The following TENT5D variants were observed in gnomAD, a reference collection of about 807,000 sequenced individuals.
The protein encoded by TENT5D is terminal nucleotidyltransferase 5D.
For missense variants in TENT5D, 191 were observed against 287.0 expected (o/e 0.67, Z 2.42); for synonymous variants, 103 against 100.6 (o/e 1.02, Z -0.15).
chrX:80,357,326 G>A (rs1184429562), intron 3 of TENT5D, among the ~76,000 whole-genome samples: 1 of 109,155 alleles, frequency 9.2e-6, no homozygotes, highest in South Asian at 4.1e-4. Flanking sequence ...AGATCCCTGA[G>A]GAATCGCCAC....
intron 1 of TENT5D, 85 bp from the exon 2 acceptor site, chrX:80,438,525 A>G (rs1191111834): frequency 3.7e-5 from 4 of 109,426 alleles, no homozygotes; most frequent in Admixed American, 2.0e-4. Context: ...TATAATTTTC[A>G]GGACTGTCGG....
At chrX:80,338,955 C>G (rs192446102) in intron 2 of TENT5D, among the ~76,000 whole-genome samples, 60 of 111,842 alleles carry the variant, frequency 5.4e-4, no homozygotes, top group Middle Eastern at 4.6e-3. Context: ...CTTAACTGGG[C>G]TGAAACTTAA....
exon 3 of TENT5D, chrX:80,443,770 C>T: frequency 1.0e-6 from 1 of 973,604 alleles, no homozygotes; most frequent in Non-Finnish European, 1.4e-6. Context: ...AAGCAAGTTT[C>T]CAAATGTAAA....
intron 2 of TENT5D, among the ~76,000 whole-genome samples, chrX:80,341,903 G>A (rs1272847387): frequency 6.6e-5 from 7 of 106,495 alleles, no homozygotes; most frequent in African/African-American, 2.4e-4. Flanking sequence ...AGTAGAGACG[G>A]GGTTTCACCG....
At position 80,412,466 on chromosome X, in the gene TENT5D, T is replaced by G. The variant is rs924679850; in HGVS notation, c.-141-26144T>G. ...CAGGCTTTTCTTTTCCACTGCATTG[T>G]CAAGCTGAAAGTTTTCTGAACTTTT... is the stretch of plus-strand genomic sequence containing the variant. On this transcript the variant is annotated intron_variant, in intron 3 of 4. Coordinates refer to the TENT5D transcript ENST00000538312. Among the ~76,000 whole-genome samples the G allele has an allele frequency of 5.3e-5, 6 of 112,796 alleles. No individual in the cohort carries two copies. The South Asian group carries it at 1.4e-3, about 27-fold the overall frequency.
At chrX:80,343,052 T>C (rs1312590476) in intron 3 of TENT5D, among the ~76,000 whole-genome samples, 1 of 111,656 alleles carries the variant, frequency 9.0e-6, no homozygotes, top group Non-Finnish European at 1.9e-5. Flanking sequence ...TTCTATACTT[T>C]ACACCCAGAA....
At chrX:80,403,849 T>G (rs1214739461) in intron 3 of TENT5D, among the ~76,000 whole-genome samples, 2 of 111,974 alleles carry the variant, frequency 1.8e-5, no homozygotes, top group Non-Finnish European at 3.8e-5. Context: ...AAGTTTATTT[T>G]GCCAAGGTTA....
chrX:80,443,731 A>T, exon 3 of TENT5D: 1 of 1,103,389 alleles, frequency 9.1e-7, no homozygotes. Context: ...GCAACCATAG[A>T]AACTTTGATT....
chrX:80,387,361 T>A (rs893968233), intron 3 of TENT5D, among the ~76,000 whole-genome samples: 1 of 111,983 alleles, frequency 8.9e-6, no homozygotes, highest in African/African-American at 3.2e-5. Context: ...TGGGCTCATT[T>A]GTATCTATCC....
intron 1 of TENT5D, among the ~76,000 whole-genome samples, chrX:80,432,284 G>A (rs1932103008): frequency 8.9e-6 from 1 of 111,912 alleles, no homozygotes; most frequent in Non-Finnish European, 1.9e-5. Flanking sequence ...ACACTGAAGT[G>A]TAGCCTCAGC....
At chrX:80,438,183 T>A (rs1451542529) in intron 1 of TENT5D, among the ~76,000 whole-genome samples, 1 of 110,590 alleles carries the variant, frequency 9.0e-6, no homozygotes, top group Non-Finnish European at 1.9e-5. Flanking sequence ...TTCTTCAGTG[T>A]AGCAGTTCTT....
At chrX:80,365,231 T>C (rs1930484397) in intron 3 of TENT5D, among the ~76,000 whole-genome samples, 1 of 111,878 alleles carries the variant, frequency 8.9e-6, no homozygotes, top group South Asian at 3.7e-4. Context: ...GATTATACTT[T>C]ATACTTAAAA....
At chrX:80,382,116 T>C (rs747127975) in intron 3 of TENT5D, among the ~76,000 whole-genome samples, 1 of 111,724 alleles carries the variant, frequency 9.0e-6, no homozygotes, top group African/African-American at 3.3e-5. Context: ...TCTTTGATGA[T>C]GGTGACCTAC....
intron 3 of TENT5D, among the ~76,000 whole-genome samples, chrX:80,407,751 C>A (rs1931535554): frequency 9.3e-6 from 1 of 108,036 alleles, no homozygotes; most frequent in Admixed American, 9.9e-5. Context: ...CCAAGTGGAC[C>A]TAATAGACAT....
chrX:80,394,749 T>A (rs1195893407), intron 3 of TENT5D, among the ~76,000 whole-genome samples: 2 of 111,443 alleles, frequency 1.8e-5, no homozygotes, highest in Non-Finnish European at 3.8e-5. Flanking sequence ...TAACACATAA[T>A]AATTGTACAT....
chrX:80,416,426 G>A (rs766174289), upstream of TENT5D, among the ~76,000 whole-genome samples: 16 of 105,838 alleles, frequency 1.5e-4, no homozygotes, highest in Admixed American at 1.0e-3. Context: ...TGATGTCATC[G>A]TTTAGTGTTA....
chrX:80,430,537 C>T (rs1932068932), intron 1 of TENT5D, among the ~76,000 whole-genome samples: 1 of 111,565 alleles, frequency 9.0e-6, no homozygotes, highest in Admixed American at 9.5e-5. Flanking sequence ...TTATAAAGAT[C>T]TGGGTTATCT....
intron 1 of TENT5D, among the ~76,000 whole-genome samples, chrX:80,429,529 C>T (rs1194672833): frequency 9.1e-6 from 1 of 109,964 alleles, no homozygotes; most frequent in African/African-American, 3.3e-5. Flanking sequence ...TCTCAAACTC[C>T]TGACCTCAAG....
rs973054350 is a variant in TENT5D at position 80,420,981 on chromosome X, CTGAAG to C, written c.-142+425_-142+429del. Reference sequence around the variant, plus strand: ...ATTATTTTCAAACTTTAATTTGTTTCTGAAGTGAAGTATTAAAAGACTATACCTAA... The same window carrying C: ...ATTATTTTCAAACTTTAATTTGTTTCTGAAGTATTAAAAGACTATACCTAA... On this transcript the variant is annotated intron_variant, in intron 1 of 2. Transcript: ENST00000308293. Among the ~76,000 whole-genome samples the C allele has an allele frequency of 3.6e-5, 4 of 112,010 alleles. No individual in the cohort carries two copies. In the Admixed American group the frequency reaches 3.8e-4, roughly 11 times the overall value.
Sources: gnomAD v4.1 joint callset for allele counts (sites outside exome capture counted in the v4.1 genomes callset) on GRCh38, gnomAD v4.1.1 for gene constraint, MANE v1.5 for transcripts, NCBI Gene and HGNC (gene_info 2026-07-23, HGNC 2026-07-21) for gene names.